ADAMTS2: variants seen among roughly 807,000 people sequenced by gnomAD.
ADAMTS2 encodes the protein A disintegrin and metalloproteinase with thrombospondin motifs 2.
A neutral mutation model predicts 123.0 loss-of-function variants in ADAMTS2; 50 were observed. The observed-to-expected ratio is 0.41, with a 90% confidence interval of 0.32 to 0.51. The LOEUF is 0.51. ADAMTS2 is among the 20% of genes least tolerant of loss of function. ADAMTS2 has a pLI of 0.35. For synonymous variants in ADAMTS2, 678 were observed against 695.4 expected (o/e 0.98, Z 0.39); for missense variants, 1,494 against 1,705.2 (o/e 0.88, Z 2.18).
intron 2 of ADAMTS2, among the ~76,000 whole-genome samples, chr5:179,322,704 G>A (rs917114638): frequency 4.6e-5 from 7 of 152,206 alleles, no homozygotes; most frequent in Non-Finnish European, 1.5e-5. Flanking sequence ...CGGCAGCTCC[G>A]CAGGCAGGTG....
chr5:179,131,309 A>C (rs1762957700), intron 15 of ADAMTS2, among the ~76,000 whole-genome samples: 1 of 142,382 alleles, frequency 7.0e-6, no homozygotes, highest in African/African-American at 2.9e-5. Flanking sequence ...CGAGACTCAA[A>C]AAAAAAAAAA....
At chr5:179,182,057 C>T (rs1469011170) in intron 4 of ADAMTS2, among the ~76,000 whole-genome samples, 1 of 152,164 alleles carries the variant, frequency 6.6e-6, no homozygotes, top group African/African-American at 2.4e-5. Flanking sequence ...TTAACCAAAC[C>T]CTACTCCTCC....
At chr5:179,143,240 C>T (rs1295196288) in intron 10 of ADAMTS2, among the ~76,000 whole-genome samples, 1 of 152,066 alleles carries the variant, frequency 6.6e-6, no homozygotes, top group Non-Finnish European at 1.5e-5. Context: ...TCTGGACCAG[C>T]CTGGCCAACA....
chr5:179,153,658 A>C (rs763143789), intron 8 of ADAMTS2, 35 bp from the exon 9 acceptor site: 1 of 1,582,952 alleles, frequency 6.3e-7, no homozygotes, highest in South Asian at 1.1e-5. Flanking sequence ...AGCAGCCTTC[A>C]GCGCGGCTGA....
intron 3 of ADAMTS2, among the ~76,000 whole-genome samples, chr5:179,239,700 G>A (rs546792278): frequency 2.3e-4 from 35 of 152,084 alleles, no homozygotes; most frequent in Admixed American, 1.4e-3. Context: ...GAATGAGATC[G>A]CCCACAGAGG....
intron 3 of ADAMTS2, among the ~76,000 whole-genome samples, chr5:179,215,912 A>T (rs992933110): frequency 1.3e-4 from 20 of 152,220 alleles, no homozygotes; most frequent in African/African-American, 4.6e-4. Flanking sequence ...TGATTGTCCA[A>T]CTGGAATTCT....
At chr5:179,167,000 G>A (rs911753505) in intron 5 of ADAMTS2, among the ~76,000 whole-genome samples, 2 of 152,220 alleles carry the variant, frequency 1.3e-5, no homozygotes, top group Non-Finnish European at 2.9e-5. Context: ...GGGAGGCGCC[G>A]GCTGCGGGGA....
chr5:179,316,659 G>A (rs1757006676), intron 2 of ADAMTS2, among the ~76,000 whole-genome samples: 1 of 152,252 alleles, frequency 6.6e-6, no homozygotes, highest in Admixed American at 6.5e-5. Flanking sequence ...AACATGAAGT[G>A]GGGACGGGAC....
intron 3 of ADAMTS2, among the ~76,000 whole-genome samples, chr5:179,229,891 G>A (rs1343691620): frequency 6.6e-6 from 1 of 152,140 alleles, no homozygotes; most frequent in East Asian, 1.9e-4. Context: ...CCTGTCAGCT[G>A]GCCGGACAGG....
intron 3 of ADAMTS2, among the ~76,000 whole-genome samples, chr5:179,257,728 G>A (rs1280219297): frequency 6.6e-6 from 1 of 152,174 alleles, no homozygotes; most frequent in African/African-American, 2.4e-5. Context: ...TCAACTCCGA[G>A]GCAGCCCTGG....
chr5:179,221,751 G>A (rs908635511), intron 3 of ADAMTS2, among the ~76,000 whole-genome samples: 2 of 152,012 alleles, frequency 1.3e-5, no homozygotes, highest in African/African-American at 2.4e-5. Context: ...TGCTCACCAC[G>A]CCCCCCTCAG....
chr5:179,120,879 T>G (rs1481909514), intron 21 of ADAMTS2: 1 of 152,252 alleles, frequency 6.6e-6, no homozygotes, highest in Non-Finnish European at 1.5e-5. Flanking sequence ...CCTCTGAAGC[T>G]GGAGTTGGCA....
In ADAMTS2 at chr5:179,181,513, G is replaced by C. The variant is rs796143344; in HGVS notation, c.892-358C>G. Among the ~76,000 whole-genome samples, 12 of 152,262 alleles carry C rather than the reference G, an allele frequency of 7.9e-5. No individual in the cohort carries two copies. Among genetic ancestry groups the C allele is most frequent in the African/African-American group, 2.9e-4 (12 of 41,564 alleles). ...CCCTTCAACAGTGAACGTGGGTGAT[G>C]GACCCCCGCGGCACAGGCAGGGCTG... On this transcript the variant is annotated intron_variant, in intron 4 of 21. Transcript: ENST00000251582. This position sits in a 1 kb window ranked among gnomAD's most constrained non-coding sequence, Gnocchi z 4.1.
At chr5:179,169,366 T>C (rs1355241818) in intron 5 of ADAMTS2, among the ~76,000 whole-genome samples, 1 of 152,204 alleles carries the variant, frequency 6.6e-6, no homozygotes, top group Non-Finnish European at 1.5e-5. Context: ...CACAATTCCA[T>C]TGGTTATAAA....
chr5:179,223,740 TGA>T (rs1234563230), intron 3 of ADAMTS2, among the ~76,000 whole-genome samples: 5 of 152,180 alleles, frequency 3.3e-5, no homozygotes, highest in Non-Finnish European at 7.4e-5. Flanking sequence ...TCATCACATG[TGA>T]GTGTATGTGA....
At chr5:179,284,553 AT>A (rs1163655217) in intron 2 of ADAMTS2, among the ~76,000 whole-genome samples, 1 of 151,646 alleles carries the variant, frequency 6.6e-6, no homozygotes, top group East Asian at 2.0e-4. Context: ...TGCCTGGCTA[AT>A]TTTTGCATTT....
At position 179,132,764 on chromosome 5, in the gene ADAMTS2, G is replaced by C; in HGVS notation, c.2209+13C>G. ...CATCCAGGCTCCAGGGTGGAGAGCA[G>C]GGACCCACTCACCATGCTTCTTGGG... On this transcript the variant is annotated intron_variant, in intron 14 of 21. Coordinates refer to ENST00000251582, the MANE Select transcript of ADAMTS2 (RefSeq NM_014244.5). The surrounding 1 kb of genome is among the most constrained non-coding windows in gnomAD (Gnocchi z 6.1). 1 of 1,614,022 alleles carries C rather than the reference G, an allele frequency of 6.2e-7. No homozygotes were observed. The highest frequency in any genetic ancestry group is 8.5e-7 in the Non-Finnish European group (1 of 1,179,972).
At position 179,148,494 on chromosome 5, in the gene ADAMTS2, G is replaced by A. The variant is rs75601369; in HGVS notation, c.1629+3648C>T. On this transcript the variant is annotated intron_variant, in intron 10 of 21. Transcript: ENST00000251582. ...TCCAGAGCTGCACGTGGCGCTGGCCGAGCCCTCTGCTGAGGTCGCATCCCT... is the reference window on the plus strand; with the variant it reads ...TCCAGAGCTGCACGTGGCGCTGGCCAAGCCCTCTGCTGAGGTCGCATCCCT... Among the ~76,000 whole-genome samples, 9 of 152,236 alleles carry A rather than the reference G, an allele frequency of 5.9e-5. No homozygotes were observed. In the East Asian group the frequency reaches 7.7e-4, roughly 13 times the overall value.
intron 3 of ADAMTS2, among the ~76,000 whole-genome samples, chr5:179,259,793 G>A (rs572472618): frequency 5.9e-5 from 9 of 152,342 alleles, no homozygotes; most frequent in South Asian, 2.1e-4. Flanking sequence ...AAGGGAGCCC[G>A]TGTCTACTGG....
Sources: allele counts gnomAD v4.1 joint callset (sites outside exome capture counted in the v4.1 genomes callset), GRCh38; gene constraint gnomAD v4.1.1; non-coding constraint Gnocchi (gnomAD v3.1); transcripts MANE v1.5; gene names NCBI Gene and HGNC (gene_info 2026-07-23, HGNC 2026-07-21).